Variants in ZNF727 observed in about 807,000 individuals in gnomAD.
ZNF727 encodes putative zinc finger protein 727.
In ZNF727, 11 loss-of-function variants were observed where a neutral mutation model predicts 11.5. The ratio of observed to expected loss-of-function variants is 0.95; its 90% confidence interval spans 0.60 to 1.58. The LOEUF (loss-of-function observed/expected upper bound fraction) is 1.58, where lower values mean the gene tolerates loss of function less well. Ranked by LOEUF, ZNF727 falls within the 40% of genes most tolerant of loss-of-function variation. ZNF727 has a pLI of 0.00. For missense variants in ZNF727, 533 were observed against 581.7 expected (o/e 0.92, Z 0.86); for synonymous variants, 171 against 196.1 (o/e 0.87, Z 1.07).
At chr7:64,070,001 TTTGG>T (rs1287208505) in intron 3 of ZNF727, among the ~76,000 whole-genome samples, 3 of 152,084 alleles carry the variant, frequency 2.0e-5, no homozygotes, top group Non-Finnish European at 4.4e-5. Flanking sequence ...AAGTTCTGTT[TTTGG>T]ATAATGTCTA....
chr7:64,055,826 G>A (rs1468735447), intron 1 of ZNF727, among the ~76,000 whole-genome samples: 2 of 152,112 alleles, frequency 1.3e-5, no homozygotes, highest in African/African-American at 2.4e-5. Flanking sequence ...ACAAGCATAC[G>A]AATATTTCTT....
chr7:64,061,261 A>C (rs1169866586), intron 1 of ZNF727, among the ~76,000 whole-genome samples: 1 of 152,128 alleles, frequency 6.6e-6, no homozygotes, highest in Non-Finnish European at 1.5e-5. Context: ...TCTGCTGCTG[A>C]AAGTGGGTTG....
Position 64,078,024 on chromosome 7 carries a change from G to A in ZNF727, c.975G>A (p.Ser325=), listed in dbSNP as rs1382048953. 6.9e-6 allele frequency: 11 copies of A among 1,604,662 alleles called. No homozygotes were observed. The highest frequency in any genetic ancestry group is 2.7e-5 in the African/African-American group (2 of 73,834). ...NECGKAFMWI[S]ALSQHNRIHT... is the part of the protein sequence containing the mutation. Reference sequence around the variant, plus strand: ...GTGGAAAAGCTTTTATGTGGATCTCGGCCCTTAGTCAACATAACAGAATTC... The same window carrying A: ...GTGGAAAAGCTTTTATGTGGATCTCAGCCCTTAGTCAACATAACAGAATTC... Residue 325 remains serine (S), a synonymous_variant, in exon 4 of 4, where the codon TCG becomes TCA. Transcript: ENST00000456806.
chr7:64,047,647 T>C (rs6961399), intron 1 of ZNF727, among the ~76,000 whole-genome samples: 83,210 of 151,752 alleles, frequency 0.55, 24,046 homozygotes, highest in Non-Finnish European at 0.64. Context: ...GAGCCTGAGG[T>C]ATTGGGTGGA....
intron 3 of ZNF727, among the ~76,000 whole-genome samples, chr7:64,073,105 G>A (rs1411745038): frequency 6.6e-6 from 1 of 151,782 alleles, no homozygotes; most frequent in African/African-American, 2.4e-5. Flanking sequence ...ATTTCTCCCA[G>A]ATTAAGTATC....
intron 3 of ZNF727, among the ~76,000 whole-genome samples, chr7:64,071,304 T>A (rs1354665757): frequency 6.6e-6 from 1 of 152,066 alleles, no homozygotes; most frequent in African/African-American, 2.4e-5. Context: ...GTGTTAGCAG[T>A]CCTAACAGGT....
chr7:64,085,204 T>C lies in ZNF727; in HGVS notation c.*6655T>C, dbSNP rs1161249791. On this transcript the variant is annotated 3_prime_UTR_variant, in exon 4 of 4. Transcript: ENST00000456806. Reference sequence around the variant, plus strand: ...ATGTAATTTCACACTGAGTGTATTATTGTATGTTATTTAGTATATTTTACA... The same window carrying C: ...ATGTAATTTCACACTGAGTGTATTACTGTATGTTATTTAGTATATTTTACA... Among the ~76,000 whole-genome samples, 1 of 152,198 alleles carries C rather than the reference T, an allele frequency of 6.6e-6. No individual in the cohort carries two copies. The highest frequency in any genetic ancestry group is 6.5e-5 in the Admixed American group (1 of 15,288).
intron 1 of ZNF727, among the ~76,000 whole-genome samples, chr7:64,046,220 G>C (rs1055485477): frequency 2.0e-5 from 3 of 152,006 alleles, no homozygotes; most frequent in East Asian, 3.9e-4. Context: ...TGGTAGAGAC[G>C]GGTTTTTGCA....
At chr7:64,072,677 C>A (rs985746588) in intron 3 of ZNF727, among the ~76,000 whole-genome samples, 9 of 152,196 alleles carry the variant, frequency 5.9e-5, no homozygotes, top group African/African-American at 1.7e-4. Flanking sequence ...CTGGAAGGAG[C>A]CGGAGATAGT....
In ZNF727 at chr7:64,084,455, A is replaced by G. The variant is rs1022242142; in HGVS notation, c.*5906A>G. ...CCCATCTTACCCAAGGTTGTAGGTC[A>G]ACAGATGGTAACAATATACTATTGT... On this transcript the variant is annotated 3_prime_UTR_variant, in exon 4 of 4. Coordinates refer to ENST00000456806, the MANE Select transcript of ZNF727 (RefSeq NM_001159522.3). Among the ~76,000 whole-genome samples, 3 of 152,218 alleles carry G rather than the reference A, an allele frequency of 2.0e-5. No homozygotes were observed. The highest frequency in any genetic ancestry group is 7.2e-5 in the African/African-American group (3 of 41,464).
At chr7:64,053,785 T>A (rs1459036107) in intron 1 of ZNF727, among the ~76,000 whole-genome samples, 1 of 152,184 alleles carries the variant, frequency 6.6e-6, no homozygotes, top group Non-Finnish European at 1.5e-5. Context: ...TTTTCTTTTG[T>A]AAATTGCCCA....
Position 64,082,914 on chromosome 7 carries a change from A to G in ZNF727, c.*4365A>G, listed in dbSNP as rs1297909488. Among the ~76,000 whole-genome samples the G allele has an allele frequency of 6.6e-6, 1 of 151,988 alleles. No individual in the cohort carries two copies. Among genetic ancestry groups the G allele is most frequent in the Non-Finnish European group, 1.5e-5 (1 of 67,948 alleles). ...AAAAGAAAGAATGCAGTCTAGCCAC[A>G]TTTTTGTAGGACAGCTCTGCTGTGC... On this transcript the variant is annotated 3_prime_UTR_variant, in exon 4 of 4. Transcript: ENST00000456806.
chr7:64,064,298 G>A (rs375322416), intron 1 of ZNF727, among the ~76,000 whole-genome samples: 6 of 152,142 alleles, frequency 3.9e-5, no homozygotes, highest in Non-Finnish European at 7.4e-5. Context: ...GTTTATTCAA[G>A]GTCGAAGGTG....
intron 1 of ZNF727, among the ~76,000 whole-genome samples, chr7:64,061,492 C>A (rs541287093): frequency 6.6e-6 from 1 of 150,592 alleles, no homozygotes; most frequent in Admixed American, 6.6e-5. Flanking sequence ...GTATAGCTAT[C>A]CCTGCTCTTT....
At chr7:64,064,413 G>A (rs1391569864) in intron 1 of ZNF727, among the ~76,000 whole-genome samples, 1 of 152,150 alleles carries the variant, frequency 6.6e-6, no homozygotes, top group Non-Finnish European at 1.5e-5. Context: ...TAGAAAGGGG[G>A]CCTCAGAGCT....
intron 1 of ZNF727, among the ~76,000 whole-genome samples, chr7:64,055,459 C>T (rs1446638893): frequency 6.6e-6 from 1 of 151,970 alleles, no homozygotes; most frequent in East Asian, 1.9e-4. Context: ...AGTATATTCA[C>T]ACTGTTTTGC....
intron 1 of ZNF727, among the ~76,000 whole-genome samples, chr7:64,057,111 G>A (rs1407674615): frequency 6.6e-6 from 1 of 151,618 alleles, no homozygotes; most frequent in Non-Finnish European, 1.5e-5. Context: ...TGTTGAAACA[G>A]CCCCCAAAGA....
At chr7:64,050,338 TAA>T (rs1789573865) in intron 1 of ZNF727, among the ~76,000 whole-genome samples, 1 of 152,094 alleles carries the variant, frequency 6.6e-6, no homozygotes, top group African/African-American at 2.4e-5. Context: ...GAGTTCATTG[TAA>T]AAGGGAGTAG....
At chr7:64,053,817 G>A (rs867382241) in intron 1 of ZNF727, among the ~76,000 whole-genome samples, 6 of 152,098 alleles carry the variant, frequency 3.9e-5, no homozygotes, top group Non-Finnish European at 8.8e-5. Context: ...GTCTTTACCC[G>A]CAGCATGAAA....
Sources: gnomAD v4.1 joint callset for allele counts (sites outside exome capture counted in the v4.1 genomes callset) on GRCh38, gnomAD v4.1.1 for gene constraint, MANE v1.5 for transcripts, NCBI Gene and HGNC (gene_info 2026-07-23, HGNC 2026-07-21) for gene names.